The following ADGRD1 variants were observed in gnomAD, a reference collection of about 807,000 sequenced individuals.
The protein encoded by ADGRD1 is G-protein coupled receptor 133.
Under a neutral mutation model 113.4 loss-of-function variants are expected in ADGRD1, and 77 were observed. The ratio of observed to expected loss-of-function variants is 0.68; its 90% CI spans 0.57 to 0.82. The LOEUF (loss-of-function observed/expected upper bound fraction) is 0.82, where lower values mean the gene tolerates loss of function less well. Among genes scored for constraint, ADGRD1 ranks in the 40% least tolerant of loss-of-function variants. The pLI, the probability that ADGRD1 is intolerant of heterozygous loss-of-function variation, is 0.00. For missense variants in ADGRD1, 1,036 were observed against 1,139.1 expected (o/e 0.91, Z 1.30); for synonymous variants, 474 against 475.0 (o/e 1.00, Z 0.03).
At chr12:131,051,368 T>C (rs1467777457) in intron 13 of ADGRD1, among the ~76,000 whole-genome samples, 2 of 152,256 alleles carry the variant, frequency 1.3e-5, no homozygotes, top group Non-Finnish European at 2.9e-5. Context: ...CAAATGGTAA[T>C]TTTCCATCAA....
chr12:130,997,612 C>G (rs898655630), intron 8 of ADGRD1, among the ~76,000 whole-genome samples: 8 of 151,352 alleles, frequency 5.3e-5, no homozygotes, highest in Non-Finnish European at 5.9e-5. Context: ...GATGGGCGGC[C>G]GGGCAGAGAC....
chr12:131,096,865 C>G lies in ADGRD1; in HGVS notation c.1672-7966C>G, dbSNP rs546277236. Among the ~76,000 whole-genome samples the G allele has an allele frequency of 4.3e-4, 65 of 152,304 alleles. No homozygotes were observed. Among genetic ancestry groups the G allele is most frequent in the African/African-American group, 1.5e-3 (63 of 41,562 alleles). On this transcript the variant is annotated intron_variant, in intron 15 of 24. Transcript: ENST00000261654. This position sits in a 1 kb window ranked among gnomAD's most constrained non-coding sequence, Gnocchi z 5.2. ...TGAGATCCACCTGCCTCCTGCTGCC[C>G]GGCTCTGCCTCCCACGGCCGACCAC...
chr12:131,120,778 C>A, intron 19 of ADGRD1, 69 bp from the exon 20 acceptor site: 1 of 1,515,652 alleles, frequency 6.6e-7, no homozygotes, highest in Non-Finnish European at 9.2e-7. Context: ...TTAGCAACTA[C>A]TTTTGGATGA....
chr12:131,007,687 T>A (rs1754892524), intron 12 of ADGRD1, among the ~76,000 whole-genome samples: 1 of 152,218 alleles, frequency 6.6e-6, no homozygotes, highest in African/African-American at 2.4e-5. Context: ...GACAGCCAAG[T>A]CATCCCTGGT....
intron 11 of ADGRD1, 151 bp downstream of exon 11, chr12:131,004,447 C>T (rs1340513802): frequency 4.8e-6 from 3 of 624,806 alleles, no homozygotes; most frequent in Non-Finnish European, 8.5e-6. Context: ...CTGTCCTGTC[C>T]TGCAGGAGAG....
chr12:131,061,183 GC>G (rs1420165172), intron 13 of ADGRD1, among the ~76,000 whole-genome samples: 2 of 152,176 alleles, frequency 1.3e-5, no homozygotes, highest in Non-Finnish European at 2.9e-5. Context: ...GATGCCTATG[GC>G]CCCCAAAAGT....
In ADGRD1 at chr12:130,991,018, G is replaced by T; in HGVS notation, c.750G>T (p.Lys250Asn). The T allele has an allele frequency of 6.2e-7, 1 of 1,613,722 alleles. No individual in the cohort carries two copies. The highest frequency in any genetic ancestry group is 8.5e-7 in the Non-Finnish European group (1 of 1,179,698). Residue 250 changes from lysine to asparagine, a missense_variant, in exon 7 of 25, where the codon AAG (lysine) becomes AAT (asparagine). Lys to Asn is a moderately conservative substitution (Grantham distance 94). Transcript: ENST00000261654. The part of the protein sequence containing the change: ...IAMYFTAAIG[K>N]HALLSSTLPS... The stretch of plus-strand genomic sequence containing the variant: ...ATCCAGCATTGTTTCTTCCAGGAAA[G>T]CATGCTTTATTGTCTTCAACGCTGC...
chr12:131,057,378 C>T lies in ADGRD1; in HGVS notation c.1474-19423C>T, dbSNP rs1479516779. On this transcript the variant is annotated intron_variant, in intron 13 of 24. Transcript: ENST00000261654. The surrounding 1 kb of genome is among the most constrained non-coding windows in gnomAD (Gnocchi z 4.2). ...GGGCCAGATGGCAGCGGAGCCGAGT[C>T]TGCGCTGCTGTGGCCGTTTCCTAGG... Among the ~76,000 whole-genome samples the T allele has an allele frequency of 6.6e-6, 1 of 152,218 alleles. No individual in the cohort carries two copies. Among genetic ancestry groups the T allele is most frequent in the Non-Finnish European group, 1.5e-5 (1 of 68,042 alleles).
intron 2 of ADGRD1, among the ~76,000 whole-genome samples, chr12:130,960,562 A>G (rs1870217224): frequency 1.6e-5 from 2 of 122,740 alleles, no homozygotes; most frequent in African/African-American, 6.0e-5. Flanking sequence ...TGATTTATTT[A>G]TTTATTTTTG....
rs953393978 is a variant in ADGRD1, at chr12:131,115,869, C to A, written c.2042-2516C>A. 2.6e-5 allele frequency among the ~76,000 whole-genome samples: 4 copies of A among 152,316 alleles called. No homozygotes were observed. The South Asian group carries it at 6.2e-4, about 24-fold the overall frequency. ...ATTCATAGACAGCTCATGTCATCCTCACAGCCTAGTGAGGAAGGCAACTCA... is the reference window on the plus strand; with the variant it reads ...ATTCATAGACAGCTCATGTCATCCTAACAGCCTAGTGAGGAAGGCAACTCA... On this transcript the variant is annotated intron_variant, in intron 18 of 24. Transcript: ENST00000261654.
intron 13 of ADGRD1, among the ~76,000 whole-genome samples, chr12:131,038,370 TC>T (rs1171763858): frequency 6.6e-6 from 1 of 152,226 alleles, no homozygotes; most frequent in African/African-American, 2.4e-5. Context: ...CAAACCTGCA[TC>T]TCGCCTGCCT....
intron 5 of ADGRD1, 112 bp downstream of exon 5, chr12:130,982,175 T>TC: frequency 2.2e-6 from 2 of 890,880 alleles, no homozygotes; most frequent in Non-Finnish European, 3.4e-6. Context: ...TGCTGCTGCC[T>TC]CCTGGCACCC....
At position 131,131,802 on chromosome 12, in the gene ADGRD1, C is replaced by T. The variant is rs147763331; in HGVS notation, c.2253C>T (p.Asp751=). 1 of 1,610,392 alleles carries T rather than the reference C, an allele frequency of 6.2e-7. No homozygotes were observed. Among genetic ancestry groups the T allele is most frequent in the Non-Finnish European group, 8.5e-7 (1 of 1,176,686 alleles). ...ISADNYKIHG[D]PSAFKLTAKA... is the part of the protein sequence containing the mutation. ...CCGACAACTACAAGATCCATGGAGA[C>T]CCCAGTGCCTTCAAGTAAGTTGACC... The change falls in exon 21 of 25, where the codon GAC becomes GAT. Residue 751 remains aspartate, a synonymous_variant. Transcript: ENST00000261654.
intron 15 of ADGRD1, among the ~76,000 whole-genome samples, chr12:131,098,166 T>TCC (rs1949979606): frequency 1.3e-5 from 2 of 149,996 alleles, no homozygotes; most frequent in Admixed American, 6.7e-5. Context: ...CACTTCCTTC[T>TCC]CCCGCAGTGG....
chr12:130,987,739 G>C (rs1028040048), intron 6 of ADGRD1: 1 of 252,510 alleles, frequency 4.0e-6, no homozygotes, highest in Non-Finnish European at 7.7e-6. Context: ...ATTCAGCACA[G>C]GGCAGTTGTT....
intron 20 of ADGRD1, among the ~76,000 whole-genome samples, chr12:131,123,038 A>ATTTTTTTTT (rs1950636788): frequency 2.8e-5 from 1 of 35,386 alleles, no homozygotes. Flanking sequence ...TTACCTGGGG[A>ATTTTTTTTT]GTTTTTTTTT....
intron 15 of ADGRD1, among the ~76,000 whole-genome samples, chr12:131,094,294 GAGCAGGC>G (rs1887128614): frequency 6.6e-6 from 1 of 152,174 alleles, no homozygotes; most frequent in Admixed American, 6.5e-5. Flanking sequence ...GGGTGGGGTG[GAGCAGGC>G]CTGGCTACTG....
At chr12:131,110,430 T>G (rs1254829909) in intron 18 of ADGRD1, among the ~76,000 whole-genome samples, 1 of 152,176 alleles carries the variant, frequency 6.6e-6, no homozygotes, top group Non-Finnish European at 1.5e-5. Flanking sequence ...TAGAATCTAT[T>G]CCAAATTTAT....
At chr12:131,069,495 A>G (rs1441101513) in intron 13 of ADGRD1, 1 of 152,370 alleles carries the variant, frequency 6.6e-6, no homozygotes, top group Non-Finnish European at 1.5e-5. Flanking sequence ...CACTCATGTA[A>G]AACAGAGCAG....
Sources: gnomAD v4.1 joint callset for allele counts (sites outside exome capture counted in the v4.1 genomes callset) on GRCh38, gnomAD v4.1.1 for gene constraint, Gnocchi (gnomAD v3.1) non-coding constraint, MANE v1.5 for transcripts, NCBI Gene and HGNC (gene_info 2026-07-23, HGNC 2026-07-21) for gene names.